The following SNX31 variants were observed in gnomAD, a reference collection of about 807,000 sequenced individuals.
SNX31 encodes the protein sorting nexin-31.
A neutral mutation model predicts 65.4 loss-of-function variants in SNX31; 58 were observed. That is an observed-to-expected ratio of 0.89 (90% CI 0.72 to 1.10). The LOEUF (loss-of-function observed/expected upper bound fraction) is 1.10, where lower values mean the gene tolerates loss of function less well. Among genes scored for constraint, SNX31 ranks in the 50% least tolerant of loss-of-function variants. SNX31 has a pLI of 0.00. For synonymous variants in SNX31, 181 were observed against 190.1 expected (o/e 0.95, Z 0.39); for missense variants, 523 against 529.7 (o/e 0.99, Z 0.12).
At chr8:100,602,359 T>C (rs1168478238) in intron 8 of SNX31, among the ~76,000 whole-genome samples, 1 of 152,182 alleles carries the variant, frequency 6.6e-6, no homozygotes, top group Non-Finnish European at 1.5e-5. Context: ...ACAATATTTG[T>C]TGAAAACTTG....
intron 12 of SNX31, among the ~76,000 whole-genome samples, chr8:100,581,311 T>TATATATATATA (rs56949626): frequency 3.3e-5 from 4 of 122,718 alleles, no homozygotes; most frequent in African/African-American, 1.9e-4. Context: ...AAAAAATTTT[T>TATATATATATA]TATATATCTA....
rs35566840 is a variant in SNX31 at position 100,604,516 on chromosome 8, G to GC, written c.681+3977dup. 6.6e-6 allele frequency among the ~76,000 whole-genome samples: 1 copy of GC among 152,196 alleles called. No individual in the cohort carries two copies. Among genetic ancestry groups the GC allele is most frequent in the Non-Finnish European group, 1.5e-5 (1 of 68,036 alleles). On this transcript the variant is annotated intron_variant, in intron 8 of 13. Coordinates refer to ENST00000311812, the MANE Select transcript of SNX31 (RefSeq NM_152628.4). This position sits in a 1 kb window ranked among gnomAD's most constrained non-coding sequence, Gnocchi z 4.3. ...AGGGGAGTCAGGAAGCCAAAGGTCA[G>GC]CCCCCCTCCACTCACCAAGCCATGG...
chr8:100,578,012 A>C lies in SNX31; in HGVS notation c.1171-937T>G, dbSNP rs1457325799. Among the ~76,000 whole-genome samples, 1 of 152,216 alleles carries C rather than the reference A, an allele frequency of 6.6e-6. No individual in the cohort carries two copies. Among genetic ancestry groups the C allele is most frequent in the East Asian group, 1.9e-4 (1 of 5,198 alleles). On this transcript the variant is annotated intron_variant, in intron 12 of 13. Transcript: ENST00000311812. The surrounding 1 kb of genome is among the most constrained non-coding windows in gnomAD (Gnocchi z 4.7). ...ATAGCTAATGAGCTTTTTAAAAATCACAAAAAAACACTCAGTGTTTTAAGA... is the reference window on the plus strand; with the variant it reads ...ATAGCTAATGAGCTTTTTAAAAATCCCAAAAAAACACTCAGTGTTTTAAGA...
intron 12 of SNX31, chr8:100,582,472 A>G (rs1227574852): frequency 6.6e-6 from 1 of 152,050 alleles, no homozygotes; most frequent in Non-Finnish European, 1.5e-5. Flanking sequence ...TATTGCTTTG[A>G]TTTACTACTC....
chr8:100,597,290 G>A (rs1215840176), intron 9 of SNX31, among the ~76,000 whole-genome samples: 1 of 151,754 alleles, frequency 6.6e-6, no homozygotes, highest in Non-Finnish European at 1.5e-5. Flanking sequence ...CACCCAGGCT[G>A]GCGTGCTGCG....
intron 8 of SNX31, among the ~76,000 whole-genome samples, chr8:100,601,049 G>C (rs1212680104): frequency 3.3e-5 from 5 of 152,158 alleles, no homozygotes; most frequent in Non-Finnish European, 5.9e-5. Context: ...AAGTATATTT[G>C]AATCATAAAC....
At chr8:100,592,356 T>C (rs1046072167) in intron 10 of SNX31, among the ~76,000 whole-genome samples, 2 of 152,056 alleles carry the variant, frequency 1.3e-5, no homozygotes, top group Non-Finnish European at 1.5e-5. Flanking sequence ...CTTAAAGCTA[T>C]AGCAATAGAA....
intron 12 of SNX31, among the ~76,000 whole-genome samples, chr8:100,582,753 G>A (rs1182309478): frequency 1.3e-5 from 2 of 151,962 alleles, no homozygotes; most frequent in East Asian, 1.9e-4. Context: ...CGAGGCGGGC[G>A]GATCATGAGG....
At chr8:100,615,262 G>A (rs1300160781) in intron 5 of SNX31, among the ~76,000 whole-genome samples, 1 of 152,168 alleles carries the variant, frequency 6.6e-6, no homozygotes, top group Non-Finnish European at 1.5e-5. Flanking sequence ...TATGCTATTA[G>A]TTTCAAGGGA....
chr8:100,649,553 C>CCTG lies in SNX31; in HGVS notation c.-42_-40dup. 2.6e-6 allele frequency: 4 copies of CCTG among 1,542,258 alleles called. No individual in the cohort carries two copies. The highest frequency in any genetic ancestry group is 3.5e-6 in the Non-Finnish European group (4 of 1,140,620). ...CTTGGGAGTAGCGCTGGGAACCCGA[C>CCTG]CTGCGGCGGCGGGCGGTGCGCGGCT... is the stretch of plus-strand genomic sequence containing the variant. On this transcript the variant is annotated 5_prime_UTR_variant, in exon 1 of 14. Transcript: ENST00000311812.
At chr8:100,631,381 A>G (rs1818403166) in intron 3 of SNX31, among the ~76,000 whole-genome samples, 1 of 150,718 alleles carries the variant, frequency 6.6e-6, no homozygotes, top group African/African-American at 2.4e-5. Flanking sequence ...CTACACTTAC[A>G]TACTTACTAA....
intron 8 of SNX31, among the ~76,000 whole-genome samples, chr8:100,603,057 G>C (rs1029751801): frequency 2.0e-5 from 3 of 152,070 alleles, no homozygotes; most frequent in African/African-American, 7.2e-5. Context: ...GCAAACCCAG[G>C]TCTGGACACT....
rs1258563020 is a variant in SNX31, at chr8:100,648,153, A to C, written c.141+1121T>G. Reference sequence around the variant, plus strand: ...GAAGGCTTGCTACAGTGACAATTTAATAGCAGAAAAAACAAACTAAGCTGT... The same window carrying C: ...GAAGGCTTGCTACAGTGACAATTTACTAGCAGAAAAAACAAACTAAGCTGT... On this transcript the variant is annotated intron_variant, in intron 2 of 13. Coordinates refer to ENST00000311812, the MANE Select transcript of SNX31 (RefSeq NM_152628.4). This position sits in a 1 kb window ranked among gnomAD's most constrained non-coding sequence, Gnocchi z 4.3. 6.6e-6 allele frequency among the ~76,000 whole-genome samples: 1 copy of C among 152,208 alleles called. No individual in the cohort carries two copies. Among genetic ancestry groups the C allele is most frequent in the Non-Finnish European group, 1.5e-5 (1 of 68,026 alleles).
upstream of SNX31, among the ~76,000 whole-genome samples, chr8:100,651,425 G>A (rs1189875985): frequency 1.3e-5 from 2 of 152,270 alleles, no homozygotes; most frequent in East Asian, 1.9e-4. Flanking sequence ...GAACTTTCCT[G>A]CTCCAGTGAA....
rs1001865267 is a variant in SNX31 at position 100,626,648 on chromosome 8, C to A, written c.321+3679G>T. ...GCTAGCTCACAACAGCAGCCTGTTT[C>A]AAAGTTGATTGATGACTTAAAGATA... On this transcript the variant is annotated intron_variant, in intron 4 of 13. Coordinates refer to ENST00000311812, the MANE Select transcript of SNX31 (RefSeq NM_152628.4). The surrounding 1 kb of genome is among the most constrained non-coding windows in gnomAD (Gnocchi z 4.4). Among the ~76,000 whole-genome samples, 3 of 152,106 alleles carry A rather than the reference C, an allele frequency of 2.0e-5. No homozygotes were observed. The highest frequency in any genetic ancestry group is 4.4e-5 in the Non-Finnish European group (3 of 68,024).
At chr8:100,611,019 G>T (rs889334948) in intron 7 of SNX31, among the ~76,000 whole-genome samples, 5 of 152,128 alleles carry the variant, frequency 3.3e-5, no homozygotes, top group Admixed American at 3.3e-4. Flanking sequence ...GCTGCTCAGC[G>T]CTATTTTCTA....
chr8:100,617,222 C>G (rs1817287310), intron 5 of SNX31, among the ~76,000 whole-genome samples: 1 of 152,192 alleles, frequency 6.6e-6, no homozygotes, highest in Admixed American at 6.5e-5. Context: ...AAGAACTCCC[C>G]TGTCACCTGC....
intron 9 of SNX31, 87 bp downstream of exon 9, chr8:100,600,262 G>A (rs1342873349): frequency 4.5e-6 from 5 of 1,120,584 alleles, no homozygotes; most frequent in Non-Finnish European, 1.3e-6. Context: ...TGCTTGGTAG[G>A]TTTATCAGTT....
upstream of SNX31, among the ~76,000 whole-genome samples, chr8:100,651,933 G>A (rs1156874707): frequency 2.6e-5 from 4 of 152,164 alleles, no homozygotes; most frequent in African/African-American, 4.8e-5. Context: ...AGGGGTGCCT[G>A]GGGAAATCTG....
Sources: gnomAD v4.1 joint callset for allele counts (sites outside exome capture counted in the v4.1 genomes callset) on GRCh38, gnomAD v4.1.1 for gene constraint, Gnocchi (gnomAD v3.1) non-coding constraint, MANE v1.5 for transcripts, NCBI Gene and HGNC (gene_info 2026-07-23, HGNC 2026-07-21) for gene names.